The following FERMT2 variants were observed in gnomAD, a reference collection of about 807,000 sequenced individuals.
FERMT2 encodes the protein fermitin family homolog 2.
In FERMT2, 15 loss-of-function variants were observed where a neutral mutation model predicts 82.7. That is an observed-to-expected ratio of 0.18 (90% CI 0.12 to 0.28). The LOEUF is 0.28. Among genes scored for constraint, FERMT2 ranks in the 10% least tolerant of loss-of-function variants. FERMT2 has a pLI of 1.00. For missense variants in FERMT2, 645 were observed against 809.4 expected, an observed-to-expected ratio of 0.80 and a Z score of 2.46; for synonymous variants, 274 against 271.5, an observed-to-expected ratio of 1.01 and a Z score of -0.09.
At chr14:52,931,611 G>A (rs752301238) in intron 2 of FERMT2, among the ~76,000 whole-genome samples, 1 of 152,216 alleles carries the variant, frequency 6.6e-6, no homozygotes, top group Non-Finnish European at 1.5e-5. Context: ...GCTGGAAGGT[G>A]AAGAGGGGAA....
intron 2 of FERMT2, among the ~76,000 whole-genome samples, chr14:52,942,915 T>C (rs1890160006): frequency 6.6e-6 from 1 of 152,016 alleles, no homozygotes; most frequent in African/African-American, 2.4e-5. Context: ...AAAGAACCTA[T>C]AAAAATATCA....
intron 2 of FERMT2, among the ~76,000 whole-genome samples, chr14:52,943,163 G>A (rs79602517): frequency 3.1e-5 from 4 of 127,356 alleles, no homozygotes; most frequent in African/African-American, 6.3e-5. Context: ...GACTGAAATC[G>A]TGCCACTGCA....
rs1335511551 is a variant in FERMT2 at position 52,889,908 on chromosome 14, C to T, written c.526+3385G>A. On this transcript the variant is annotated intron_variant, in intron 4 of 14. Coordinates refer to ENST00000341590, the MANE Select transcript of FERMT2 (RefSeq NM_006832.3). ...CTTTGGGAGGCCAAGGTGGGTGGAT[C>T]ACTTGAGACCAGGAGTTCAAGACCA... Among the ~76,000 whole-genome samples the T allele has an allele frequency of 2.0e-5, 3 of 152,120 alleles. No individual in the cohort carries two copies. The East Asian group carries it at 5.8e-4, about 29-fold the overall frequency.
At chr14:52,879,291 G>A (rs1288447330) in intron 6 of FERMT2, among the ~76,000 whole-genome samples, 1 of 152,176 alleles carries the variant, frequency 6.6e-6, no homozygotes, top group Admixed American at 6.5e-5. Flanking sequence ...CAATAGTAAT[G>A]CCTTAAGAAT....
chr14:52,912,697 A>G (rs1225169020), intron 3 of FERMT2, among the ~76,000 whole-genome samples: 13 of 152,026 alleles, frequency 8.6e-5, no homozygotes, highest in Admixed American at 8.5e-4. Flanking sequence ...TTTAGTAGAG[A>G]CAGTGTTTCA....
chr14:52,857,662 A>G lies in FERMT2; in HGVS notation c.*715T>C. On this transcript the variant is annotated 3_prime_UTR_variant, in exon 15 of 15. Transcript: ENST00000341590. ...TAAAATTTGTGTTTTTACATTAGTTACACAAAATGCATACTTCATAGAACT... is the reference window on the plus strand; with the variant it reads ...TAAAATTTGTGTTTTTACATTAGTTGCACAAAATGCATACTTCATAGAACT... 1 of 152,662 alleles carries G rather than the reference A, an allele frequency of 6.6e-6. No homozygotes were observed. Among genetic ancestry groups the G allele is most frequent in the East Asian group, 1.9e-4 (1 of 5,206 alleles). The allele number at this position is 152,662 out of a possible 1,614,324, so 9.5% of individuals were successfully genotyped here. A position where few individuals can be genotyped will look rare whatever the true frequency, so the allele number is the denominator to read the frequency against.
At chr14:52,928,730 A>T (rs1253298511) in intron 2 of FERMT2, among the ~76,000 whole-genome samples, 1 of 152,164 alleles carries the variant, frequency 6.6e-6, no homozygotes, top group African/African-American at 2.4e-5. Flanking sequence ...TCAGTAGACA[A>T]CCATGGATTC....
intron 12 of FERMT2, among the ~76,000 whole-genome samples, chr14:52,864,111 A>AT (rs1255125116): frequency 2.0e-5 from 3 of 152,072 alleles, no homozygotes; most frequent in South Asian, 2.1e-4. Flanking sequence ...TGGGTTTCAG[A>AT]TTTTTTTGGA....
chr14:52,922,377 T>C (rs561659667), intron 2 of FERMT2, among the ~76,000 whole-genome samples: 33 of 152,166 alleles, frequency 2.2e-4, no homozygotes, highest in African/African-American at 8.0e-4. Context: ...GAAAAGAGCT[T>C]GTCAGCATGT....
At chr14:52,881,927 A>G in intron 4 of FERMT2, 1 of 475,676 alleles carries the variant, frequency 2.1e-6, no homozygotes, top group Non-Finnish European at 3.5e-6. Flanking sequence ...AAGAAAAAAC[A>G]GATTTTCCCT....
intron 8 of FERMT2, among the ~76,000 whole-genome samples, chr14:52,874,953 G>A (rs1189396164): frequency 2.0e-5 from 3 of 152,120 alleles, no homozygotes; most frequent in Non-Finnish European, 4.4e-5. Flanking sequence ...TACTCAGGAG[G>A]CTGAGGTAGG....
chr14:52,950,753 G>A (rs1566769249), intron 1 of FERMT2, 168 bp downstream of exon 1: 2 of 559,514 alleles, frequency 3.6e-6, no homozygotes, highest in African/African-American at 2.0e-5. Flanking sequence ...CGCCCCGCTC[G>A]CCCCGCAGCG....
At chr14:52,867,341 A>G (rs183402791) in intron 10 of FERMT2, among the ~76,000 whole-genome samples, 2 of 152,282 alleles carry the variant, frequency 1.3e-5, no homozygotes, top group Non-Finnish European at 2.9e-5. Flanking sequence ...CATGAACTAC[A>G]TGGCTAGATA....
chr14:52,927,398 A>C lies in FERMT2; in HGVS notation c.158-8042T>G, dbSNP rs778898837. 9.9e-5 allele frequency among the ~76,000 whole-genome samples: 15 copies of C among 152,106 alleles called. No individual in the cohort carries two copies. The South Asian group carries it at 1.0e-3, about 11-fold the overall frequency. ...GCACAGAGAAGGGAGACATTATTGA[A>C]AACATCCTATTTAATGTTTTCCTAA... On this transcript the variant is annotated intron_variant, in intron 2 of 14. Transcript: ENST00000341590.
At chr14:52,919,891 A>G (rs1203888342) in intron 2 of FERMT2, among the ~76,000 whole-genome samples, 5 of 152,198 alleles carry the variant, frequency 3.3e-5, no homozygotes, top group Non-Finnish European at 5.9e-5. Flanking sequence ...GAAACACTAT[A>G]ACTTAAGAGA....
intron 2 of FERMT2, among the ~76,000 whole-genome samples, chr14:52,930,877 T>C (rs1452403923): frequency 2.0e-5 from 3 of 152,220 alleles, no homozygotes. Flanking sequence ...TTAATATTGA[T>C]TGAAATGTAA....
At chr14:52,900,370 T>TATATATAAA (rs1555369935) in intron 3 of FERMT2, among the ~76,000 whole-genome samples, 12 of 151,292 alleles carry the variant, frequency 7.9e-5, no homozygotes, top group African/African-American at 2.7e-4. Flanking sequence ...ATAAATACTA[T>TATATATAAA]ACATATAAAA....
chr14:52,861,161 T>A, intron 12 of FERMT2: 1 of 715,856 alleles, frequency 1.4e-6, no homozygotes, highest in South Asian at 1.9e-5. Flanking sequence ...CCAAAAGTCA[T>A]GCAAAAAACT....
rs1341072604 is a variant in FERMT2, at chr14:52,919,005, C to T, written c.391+118G>A. 12 of 597,446 alleles carry T rather than the reference C, an allele frequency of 2.0e-5. No homozygotes were observed. The highest frequency in any genetic ancestry group is 3.9e-5 in the African/African-American group (2 of 51,702). The allele number at this position is 597,446 out of a possible 1,614,324, so 37.0% of individuals were successfully genotyped here. On this transcript the variant is annotated intron_variant, in intron 3 of 14. Coordinates refer to ENST00000341590, the MANE Select transcript of FERMT2 (RefSeq NM_006832.3). ...TTTAATGAAGTAGAAATTTCACACA[C>T]ATACATATATACAGATAGTTCAGCC... is the stretch of plus-strand genomic sequence containing the variant.
Sources: gnomAD v4.1 joint callset for allele counts (sites outside exome capture counted in the v4.1 genomes callset) on GRCh38, gnomAD v4.1.1 for gene constraint, MANE v1.5 for transcripts, NCBI Gene and HGNC (gene_info 2026-07-23, HGNC 2026-07-21) for gene names.